Variants in ALG14 observed in about 807,000 individuals in gnomAD.
ALG14 encodes ALG14 UDP-N-acetylglucosaminyltransferase subunit.
Under a neutral mutation model 22.8 loss-of-function variants are expected in ALG14, and 17 were observed. That is an observed-to-expected ratio of 0.75 (90% CI 0.51 to 1.12). The LOEUF is 1.12. ALG14 is among the 50% of genes most tolerant of loss of function. The probability of loss-of-function intolerance (pLI) is 0.00; values close to 1 mark genes in which losing one functional copy is unlikely to be tolerated. For missense variants in ALG14, 288 were observed against 271.8 expected (o/e 1.06, Z -0.42); for synonymous variants, 89 against 103.7 (o/e 0.86, Z 0.86).
chr1:95,039,577 A>T (rs1345405621), intron 2 of ALG14, among the ~76,000 whole-genome samples: 1 of 152,186 alleles, frequency 6.6e-6, no homozygotes, highest in Non-Finnish European at 1.5e-5. Context: ...GCACATCATG[A>T]TTCACTGTGG....
intron 3 of ALG14, among the ~76,000 whole-genome samples, chr1:95,007,133 T>C (rs1231570537): frequency 3.3e-5 from 5 of 152,108 alleles, no homozygotes; most frequent in Non-Finnish European, 7.4e-5. Flanking sequence ...TATTGAAAAA[T>C]TTCCTTTTTT....
intron 2 of ALG14, among the ~76,000 whole-genome samples, chr1:95,061,299 A>C (rs1286310584): frequency 6.6e-6 from 1 of 152,180 alleles, no homozygotes; most frequent in African/African-American, 2.4e-5. Flanking sequence ...ACAAAAACGA[A>C]ATCACTTTGG....
At chr1:95,042,231 T>C (rs1053060413) in intron 2 of ALG14, among the ~76,000 whole-genome samples, 5 of 151,902 alleles carry the variant, frequency 3.3e-5, no homozygotes, top group Admixed American at 3.3e-4. Flanking sequence ...ACCCCAACAC[T>C]CTATCTCACA....
intron 1 of ALG14, among the ~76,000 whole-genome samples, chr1:95,066,176 A>G (rs969907943): frequency 6.6e-6 from 1 of 152,126 alleles, no homozygotes. Flanking sequence ...CAAGAACACA[A>G]ACAAAGATAA....
At chr1:94,987,534 A>C (rs776062408) in intron 3 of ALG14, among the ~76,000 whole-genome samples, 10 of 152,248 alleles carry the variant, frequency 6.6e-5, no homozygotes, top group Non-Finnish European at 1.3e-4. Flanking sequence ...TCATGAGCAT[A>C]GATGAGCCAG....
Position 94,979,091 on chromosome 1 carries a change from C to T in ALG14, c.*3985G>A, listed in dbSNP as rs1672449156. On this transcript the variant is annotated 3_prime_UTR_variant, in exon 4 of 4. Coordinates refer to ENST00000370205, the MANE Select transcript of ALG14 (RefSeq NM_144988.4). ...CTGAGGTTGGGAGTTCAAGATCAGC[C>T]TGGCCAACATGGTAAAACCCTGTCT... The T allele has an allele frequency of 6.6e-6, 1 of 151,842 alleles. No individual in the cohort carries two copies. The highest frequency in any genetic ancestry group is 1.5e-5 in the Non-Finnish European group (1 of 67,996). 9.4% of individuals were successfully genotyped at this position (151,842 alleles called of 1,614,324 possible).
chr1:95,005,969 T>C (rs1673208297), intron 3 of ALG14, among the ~76,000 whole-genome samples: 1 of 152,228 alleles, frequency 6.6e-6, no homozygotes, highest in Non-Finnish European at 1.5e-5. Context: ...AAGGCAAAAT[T>C]TTTTTTGCAG....
intron 3 of ALG14, among the ~76,000 whole-genome samples, chr1:95,006,209 C>A (rs1016053209): frequency 3.3e-5 from 5 of 152,160 alleles, no homozygotes; most frequent in African/African-American, 1.2e-4. Context: ...CTTGATTATG[C>A]CTCCTGGTTT....
intron 2 of ALG14, among the ~76,000 whole-genome samples, chr1:95,049,035 A>G (rs920697518): frequency 4.6e-5 from 7 of 152,200 alleles, no homozygotes; most frequent in Non-Finnish European, 8.8e-5. Context: ...CAGAAGAATC[A>G]GAAGAAATTT....
At chr1:95,070,560 G>A (rs879691450) in intron 1 of ALG14, among the ~76,000 whole-genome samples, 5 of 152,170 alleles carry the variant, frequency 3.3e-5, no homozygotes, top group African/African-American at 4.8e-5. Flanking sequence ...CACATGGGGA[G>A]CACTGATTAC....
At chr1:95,067,098 G>A (rs1675398655) in intron 1 of ALG14, 1 of 152,044 alleles carries the variant, frequency 6.6e-6, no homozygotes, top group Non-Finnish European at 1.5e-5. Flanking sequence ...AGTCACTTGT[G>A]ACAAAATGGA....
At chr1:95,036,759 C>T (rs764020223) in intron 2 of ALG14, among the ~76,000 whole-genome samples, 15 of 152,104 alleles carry the variant, frequency 9.9e-5, no homozygotes, top group East Asian at 1.9e-4. Context: ...TACCCAGTCT[C>T]GGGCAGTTCT....
chr1:95,015,682 T>G (rs1356232773), intron 3 of ALG14, among the ~76,000 whole-genome samples: 1 of 152,158 alleles, frequency 6.6e-6, no homozygotes, highest in Non-Finnish European at 1.5e-5. Context: ...AATTCATTAG[T>G]AAATCCTGAC....
chr1:94,998,924 TGTACAAAGCAG>T (rs1369724418), intron 3 of ALG14, among the ~76,000 whole-genome samples: 1 of 152,152 alleles, frequency 6.6e-6, no homozygotes, highest in Admixed American at 6.6e-5. Flanking sequence ...TCGCATGCTT[TGTACAAAGCAG>T]GTACACACAA....
chr1:95,048,350 T>A (rs1674629386), intron 2 of ALG14, among the ~76,000 whole-genome samples: 1 of 152,234 alleles, frequency 6.6e-6, no homozygotes, highest in African/African-American at 2.4e-5. Flanking sequence ...AAATGTTTTA[T>A]TCATATGTCA....
chr1:95,047,696 C>A (rs1674607770), intron 2 of ALG14, among the ~76,000 whole-genome samples: 1 of 152,092 alleles, frequency 6.6e-6, no homozygotes. Flanking sequence ...AAGAAACCAA[C>A]AGGCCAGGCA....
intron 3 of ALG14, among the ~76,000 whole-genome samples, chr1:94,992,890 C>A (rs527884529): frequency 6.6e-6 from 1 of 151,840 alleles, no homozygotes; most frequent in Non-Finnish European, 1.5e-5. Context: ...GCTTGCTCCA[C>A]GGTAATGTGT....
intron 2 of ALG14, among the ~76,000 whole-genome samples, chr1:95,058,404 A>G (rs954996553): frequency 1.3e-5 from 2 of 150,846 alleles, no homozygotes; most frequent in African/African-American, 4.9e-5. Context: ...ACTTGAGGTC[A>G]GAAGTTTGAG....
intron 3 of ALG14, among the ~76,000 whole-genome samples, chr1:95,016,462 C>G (rs540528435): frequency 1.3e-5 from 2 of 152,152 alleles, no homozygotes; most frequent in Non-Finnish European, 2.9e-5. Flanking sequence ...AATAATATGA[C>G]TGCTCTAATA....
Sources: gnomAD v4.1 joint callset for allele counts (sites outside exome capture counted in the v4.1 genomes callset) on GRCh38, gnomAD v4.1.1 for gene constraint, MANE v1.5 for transcripts, NCBI Gene and HGNC (gene_info 2026-07-23, HGNC 2026-07-21) for gene names.